The following PPARGC1A variants were observed in gnomAD, a reference collection of about 807,000 sequenced individuals.
The protein encoded by PPARGC1A is peroxisome proliferator-activated receptor gamma coactivator 1-alpha.
PPARGC1A carries 25 observed loss-of-function variants against 88.7 expected under a neutral mutation model. That is an observed-to-expected ratio of 0.28 (90% CI 0.21 to 0.39). PPARGC1A has a LOEUF of 0.39. Ranked by LOEUF, PPARGC1A falls within the 10% of genes least tolerant of loss-of-function variation. The pLI is 1.00. For synonymous variants in PPARGC1A, 363 were observed against 355.6 expected, an observed-to-expected ratio of 1.02 and a Z score of -0.24; for missense variants, 880 against 968.7, an observed-to-expected ratio of 0.91 and a Z score of 1.22.
At chr4:24,267,395 C>T in the PPARGC1A span, among the ~76,000 whole-genome samples, 2 of 152,224 alleles carry the variant, frequency 1.3e-5, no homozygotes, top group African/African-American at 4.8e-5. Flanking sequence ...TCACTAAGCA[C>T]TCAGTAAATG....
chr4:24,170,640 C>G, the PPARGC1A span, among the ~76,000 whole-genome samples: 14 of 152,152 alleles, frequency 9.2e-5, no homozygotes, highest in Non-Finnish European at 1.2e-4. Context: ...TGGAGGCCCT[C>G]TGGCTCAAAT....
chr4:23,927,399 T>C, the PPARGC1A span, among the ~76,000 whole-genome samples: 2 of 152,226 alleles, frequency 1.3e-5, no homozygotes, highest in East Asian at 3.8e-4. Flanking sequence ...AAAAGCCTCC[T>C]ATATATTTAT....
the PPARGC1A span, among the ~76,000 whole-genome samples, chr4:24,248,800 C>T: frequency 2.0e-5 from 3 of 152,182 alleles, no homozygotes; most frequent in African/African-American, 7.2e-5. Context: ...TCAGGCACAG[C>T]AGTGCCCTTC....
the PPARGC1A span, among the ~76,000 whole-genome samples, chr4:24,090,378 T>C: frequency 6.6e-6 from 1 of 152,208 alleles, no homozygotes; most frequent in Admixed American, 6.5e-5. Context: ...GCTCCTTACT[T>C]AACATCACAT....
intron 2 of PPARGC1A, among the ~76,000 whole-genome samples, chr4:23,834,548 C>T (rs1725676830): frequency 6.6e-6 from 1 of 151,760 alleles, no homozygotes; most frequent in Non-Finnish European, 1.5e-5. Context: ...GAAGGGGTAA[C>T]TGTTAACTTC....
chr4:24,146,864 T>G, the PPARGC1A span, among the ~76,000 whole-genome samples: 1 of 152,204 alleles, frequency 6.6e-6, no homozygotes, highest in Non-Finnish European at 1.5e-5. Flanking sequence ...CTTGTTATTC[T>G]TTTCCACATC....
the PPARGC1A span, among the ~76,000 whole-genome samples, chr4:23,941,272 G>A: frequency 6.6e-6 from 1 of 152,080 alleles, no homozygotes; most frequent in African/African-American, 2.4e-5. Context: ...TGTCAAGGCT[G>A]GTTTTGAACT....
At chr4:23,961,972 G>C in the PPARGC1A span, among the ~76,000 whole-genome samples, 1 of 152,214 alleles carries the variant, frequency 6.6e-6, no homozygotes, top group Admixed American at 6.5e-5. Context: ...GACCAATAAA[G>C]ATAATGAGCA....
the PPARGC1A span, among the ~76,000 whole-genome samples, chr4:24,172,655 G>A: frequency 6.6e-6 from 1 of 152,216 alleles, no homozygotes; most frequent in Admixed American, 6.5e-5. Flanking sequence ...TGTTTTAGAT[G>A]TAATTCCCTC....
chr4:24,140,219 G>T, the PPARGC1A span, among the ~76,000 whole-genome samples: 1 of 152,176 alleles, frequency 6.6e-6, no homozygotes, highest in South Asian at 2.1e-4. Flanking sequence ...AACACAAGGT[G>T]GGGTGGAGGG....
chr4:23,987,341 G>A, the PPARGC1A span, among the ~76,000 whole-genome samples: 1 of 151,966 alleles, frequency 6.6e-6, no homozygotes, highest in East Asian at 1.9e-4. Context: ...CCAAACCTTT[G>A]CATGCATATT....
At chr4:24,459,809 CA>C in the PPARGC1A span, among the ~76,000 whole-genome samples, 81 of 151,690 alleles carry the variant, frequency 5.3e-4, no homozygotes, top group African/African-American at 1.9e-3. Context: ...CAAACAACAA[CA>C]AAAAAAACTG....
the PPARGC1A span, among the ~76,000 whole-genome samples, chr4:24,191,586 C>A: frequency 6.6e-6 from 1 of 152,078 alleles, no homozygotes. Flanking sequence ...TAGCCATCCA[C>A]GTAAATGCTA....
chr4:23,981,497 G>A, the PPARGC1A span, among the ~76,000 whole-genome samples: 1 of 152,098 alleles, frequency 6.6e-6, no homozygotes, highest in South Asian at 2.1e-4. Context: ...TGGGCAGCTT[G>A]AGGGAAATTA....
the PPARGC1A span, among the ~76,000 whole-genome samples, chr4:23,996,476 G>A: frequency 6.6e-6 from 1 of 152,120 alleles, no homozygotes; most frequent in African/African-American, 2.4e-5. Flanking sequence ...CTTGTTGCCA[G>A]GGCCAGTCAG....
chr4:24,021,942 C>T, the PPARGC1A span, among the ~76,000 whole-genome samples: 5 of 152,184 alleles, frequency 3.3e-5, no homozygotes, highest in Non-Finnish European at 5.9e-5. Flanking sequence ...ATAGATGATG[C>T]AAGAGCTCTG....
intron 5 of PPARGC1A, among the ~76,000 whole-genome samples, chr4:23,825,505 C>T (rs1723769999): frequency 6.6e-6 from 1 of 151,860 alleles, no homozygotes; most frequent in African/African-American, 2.4e-5. Context: ...AAACTGAGAC[C>T]CAATGATACT....
At chr4:23,832,612 C>CTT (rs570752359) in intron 2 of PPARGC1A, among the ~76,000 whole-genome samples, 12 of 131,830 alleles carry the variant, frequency 9.1e-5, no homozygotes, top group South Asian at 4.8e-4. Context: ...TTTTCTTTTT[C>CTT]TTTTTTTTTT....
At chr4:24,387,746 A>AAGAGAGAGAGAGAGAG in the PPARGC1A span, among the ~76,000 whole-genome samples, 22 of 61,170 alleles carry the variant, frequency 3.6e-4, no homozygotes, top group Admixed American at 1.1e-3. Flanking sequence ...GAAAGAAAGA[A>AAGAGAGAGAGAGAGAG]AGAGAGAGAG....
Sources: gnomAD v4.1 joint callset for allele counts (sites outside exome capture counted in the v4.1 genomes callset) on GRCh38, gnomAD v4.1.1 for gene constraint, MANE v1.5 for transcripts, NCBI Gene and HGNC (gene_info 2026-07-23, HGNC 2026-07-21) for gene names.